Variants in SLTM observed in about 807,000 individuals in gnomAD.
SLTM encodes SAFB like transcription modulator.
Under a neutral mutation model 134.6 loss-of-function variants are expected in SLTM, and 43 were observed. The ratio of observed to expected loss-of-function variants is 0.32; its 90% CI spans 0.25 to 0.41. SLTM has a LOEUF of 0.41. Ranked by LOEUF, SLTM falls within the 10% of genes least tolerant of loss-of-function variation. The probability of loss-of-function intolerance (pLI) is 1.00; values close to 1 mark genes in which losing one functional copy is unlikely to be tolerated. For synonymous variants in SLTM, 424 were observed against 432.3 expected (o/e 0.98, Z 0.24); for missense variants, 1,055 against 1,288.8 (o/e 0.82, Z 2.78).
chr15:58,932,197 G>C (rs2037927776), intron 2 of SLTM, 159 bp downstream of exon 2: 1 of 605,702 alleles, frequency 1.7e-6, no homozygotes, highest in Non-Finnish European at 3.0e-6. Flanking sequence ...GTCACCCAAA[G>C]CCTGGCAACA....
At position 58,899,516 on chromosome 15, in the gene SLTM, A is replaced by G; in HGVS notation, c.1011T>C (p.Thr337=). 6.2e-7 allele frequency: 1 copy of G among 1,614,128 alleles called. No individual in the cohort carries two copies. Among genetic ancestry groups the G allele is most frequent in the Non-Finnish European group, 8.5e-7 (1 of 1,179,984 alleles). ...CAGTAGACGAGGGCCCTTTCTTCAA[A>G]GTATCCTTTTCTTTGTCTCCAGATT... is the stretch of plus-strand genomic sequence containing the variant. ...KAESGDKEKD[T]LKKGPSSTGA... The change falls in exon 7 of 21, where the codon ACT becomes ACC. Residue 337 remains threonine (T), a synonymous_variant. Transcript: ENST00000380516. The surrounding 1 kb of genome is among the most constrained non-coding windows in gnomAD (Gnocchi z 5.0).
chr15:58,893,001 G>C lies in SLTM; in HGVS notation c.1794C>G (p.Asp598Glu), dbSNP rs1425337921. The C allele has an allele frequency of 6.2e-6, 10 of 1,612,410 alleles. No homozygotes were observed. Among genetic ancestry groups the C allele is most frequent in the South Asian group, 1.1e-5 (1 of 90,906 alleles). ...AAGGCAAGATCTCTTTCCTTCTGTAGTCTTTATCTCTTTTTTTATCTAGAC... is the reference window on the plus strand; with the variant it reads ...AAGGCAAGATCTCTTTCCTTCTGTACTCTTTATCTCTTTTTTTATCTAGAC... ...RASLDKKRDKDYRRKEILPFE... is the reference protein window; with the variant it reads ...RASLDKKRDKEYRRKEILPFE... The change falls in exon 14 of 21, where the codon GAC becomes GAG. Residue 598 changes from aspartate to glutamate, a missense_variant. Physicochemically the swap from Asp to Glu is conservative, Grantham distance 45. Coordinates refer to ENST00000380516, the MANE Select transcript of SLTM (RefSeq NM_024755.4).
intron 5 of SLTM, among the ~76,000 whole-genome samples, chr15:58,909,091 T>G (rs937302400): frequency 6.6e-6 from 1 of 152,178 alleles, no homozygotes; most frequent in African/African-American, 2.4e-5. Flanking sequence ...ATTGTTGTCT[T>G]GAAATACCAT....
At chr15:58,921,609 G>A in intron 2 of SLTM, 1 of 438,386 alleles carries the variant, frequency 2.3e-6, no homozygotes, top group Non-Finnish European at 4.6e-6. Flanking sequence ...GGACAAGATT[G>A]TCAAACAGTG....
intron 2 of SLTM, among the ~76,000 whole-genome samples, chr15:58,925,462 T>C (rs1029547757): frequency 3.3e-5 from 5 of 152,112 alleles, no homozygotes; most frequent in Non-Finnish European, 7.4e-5. Flanking sequence ...CTCAGCCTCC[T>C]GAGTAGCTAA....
intron 20 of SLTM, among the ~76,000 whole-genome samples, chr15:58,880,615 T>C (rs1358790832): frequency 6.6e-6 from 1 of 152,218 alleles, no homozygotes; most frequent in Non-Finnish European, 1.5e-5. Flanking sequence ...TGGAGTGCAG[T>C]GGCACATTCA....
intron 1 of SLTM, 32 bp from the exon 2 acceptor site, chr15:58,932,475 C>T (rs777067316): frequency 8.3e-6 from 12 of 1,438,080 alleles, no homozygotes; most frequent in Non-Finnish European, 1.2e-5. Context: ...ATATGCTACA[C>T]AATCTATCTA....
At chr15:58,886,520 G>A (rs1192518486) in intron 19 of SLTM, among the ~76,000 whole-genome samples, 1 of 152,034 alleles carries the variant, frequency 6.6e-6, no homozygotes, top group Non-Finnish European at 1.5e-5. Flanking sequence ...GCCCACCTCG[G>A]CCTCCCACAG....
Position 58,931,947 on chromosome 15 carries a change from G to A in SLTM, c.250+409C>T, listed in dbSNP as rs1178922328. 1.3e-5 allele frequency among the ~76,000 whole-genome samples: 2 copies of A among 152,240 alleles called. 1 individual carries two copies. The highest frequency in any genetic ancestry group is 4.1e-4 in the South Asian group (2 of 4,826). ...AGTCAAACAAAGTACTAAACATAAA[G>A]GTTATAGAATTTTAATATACTAAAG... On this transcript the variant is annotated intron_variant, in intron 2 of 20. Coordinates refer to ENST00000380516, the MANE Select transcript of SLTM (RefSeq NM_024755.4).
intron 2 of SLTM, among the ~76,000 whole-genome samples, chr15:58,921,035 T>C (rs1289934589): frequency 6.6e-6 from 1 of 152,200 alleles, no homozygotes; most frequent in Admixed American, 6.5e-5. Context: ...ACAAATTGCA[T>C]AGTATGCACA....
intron 2 of SLTM, among the ~76,000 whole-genome samples, chr15:58,920,396 G>A (rs1313407675): frequency 6.6e-6 from 1 of 151,984 alleles, no homozygotes; most frequent in Non-Finnish European, 1.5e-5. Context: ...GGCCAAGGTA[G>A]GTGGATCATC....
chr15:58,916,166 C>G (rs183536698), intron 3 of SLTM, among the ~76,000 whole-genome samples: 1 of 103,874 alleles, frequency 9.6e-6, no homozygotes, highest in East Asian at 2.5e-4. Context: ...TTAATTTGAT[C>G]TCTCTCTCTC....
chr15:58,932,069 T>C (rs1476079889), intron 2 of SLTM: 2 of 259,578 alleles, frequency 7.7e-6, no homozygotes, highest in African/African-American at 4.3e-5. Flanking sequence ...CTGTATTTTA[T>C]TCAGGTCTTC....
At chr15:58,880,140 G>C (rs2033580788) in intron 20 of SLTM, 33 bp from the exon 21 acceptor site, 2 of 1,602,826 alleles carry the variant, frequency 1.2e-6, no homozygotes, top group African/African-American at 1.3e-5. Flanking sequence ...AAACATCAGA[G>C]AACAAAGAAC....
chr15:58,901,408 T>G, intron 5 of SLTM, 121 bp from the exon 6 acceptor site: 2 of 738,232 alleles, frequency 2.7e-6, no homozygotes, highest in Admixed American at 2.9e-5. Flanking sequence ...TAGGGATACC[T>G]AACACTAACA....
intron 18 of SLTM, 37 bp downstream of exon 18, chr15:58,887,189 G>A (rs923265075): frequency 1.2e-6 from 2 of 1,611,830 alleles, no homozygotes; most frequent in Admixed American, 1.7e-5. Flanking sequence ...CCCAATGCAT[G>A]AGACCACTAG....
chr15:58,895,438 G>C (rs745392032), intron 9 of SLTM, among the ~76,000 whole-genome samples: 3 of 152,178 alleles, frequency 2.0e-5, no homozygotes, highest in Non-Finnish European at 2.9e-5. Flanking sequence ...TTAGTTAAGA[G>C]AGACAAAGCA....
intron 19 of SLTM, among the ~76,000 whole-genome samples, chr15:58,885,946 C>T (rs1443024088): frequency 6.6e-6 from 1 of 152,148 alleles, no homozygotes; most frequent in Non-Finnish European, 1.5e-5. Flanking sequence ...CTACTATCAA[C>T]CCACACGCCA....
intron 2 of SLTM, among the ~76,000 whole-genome samples, chr15:58,930,298 TTTTG>T (rs1216863378): frequency 6.7e-6 from 1 of 149,638 alleles, no homozygotes; most frequent in Non-Finnish European, 1.5e-5. Flanking sequence ...TTTTTTTTTT[TTTTG>T]TATTTTTAGT....
Sources: gnomAD v4.1 joint callset for allele counts (sites outside exome capture counted in the v4.1 genomes callset) on GRCh38, gnomAD v4.1.1 for gene constraint, Gnocchi (gnomAD v3.1) non-coding constraint, MANE v1.5 for transcripts, NCBI Gene and HGNC (gene_info 2026-07-23, HGNC 2026-07-21) for gene names.